MAMDC4: variants seen among roughly 807,000 people sequenced by gnomAD.
MAMDC4 encodes MAM domain containing 4.
Under a neutral mutation model 153.3 loss-of-function variants are expected in MAMDC4, and 168 were observed. The ratio of observed to expected loss-of-function variants is 1.10; its 90% confidence interval spans 0.97 to 1.25. The LOEUF is 1.25. Among genes scored for constraint, MAMDC4 ranks in the 50% most tolerant of loss-of-function variants. MAMDC4 has a pLI of 0.00. For missense variants in MAMDC4, 1,701 were observed against 1,542.8 expected, an observed-to-expected ratio of 1.10 and a Z score of -1.72; for synonymous variants, 744 against 651.5, an observed-to-expected ratio of 1.14 and a Z score of -2.16.
At position 136,853,282 on chromosome 9, in the gene MAMDC4, CAGGTT is replaced by C. The variant is rs1848953316; in HGVS notation, c.155-1_158del. Reference sequence around the variant, plus strand: ...GCACACACCTGACCACCCACTCTCCCAGGTTACCACGGGGCCTCGCCCACCCTGGG... The same window carrying C: ...GCACACACCTGACCACCCACTCTCCCACCACGGGGCCTCGCCCACCCTGGG... On this transcript the variant is annotated splice_acceptor_variant and coding_sequence_variant, in exon 3 of 27. Coordinates refer to ENST00000317446, the MANE Select transcript of MAMDC4 (RefSeq NM_206920.3). LOFTEE classifies it high-confidence loss of function. 1.2e-6 allele frequency: 2 copies of C among 1,604,402 alleles called. No homozygotes were observed. Among genetic ancestry groups the C allele is most frequent in the East Asian group, 4.5e-5 (2 of 44,650 alleles).
Position 136,858,216 on chromosome 9 carries a change from G to A in MAMDC4, c.2614G>A (p.Ala872Thr). ...VVFEAVAAGV[A>T]HSYVALDDLL... ...GTTTGAGGCAGTGGCCGCAGGCGTG[G>A]CACACTCCTACGTGGCTCTGGATGA... Residue 872 changes from alanine (A) to threonine (T), a missense_variant, in exon 21 of 27, where the codon GCA becomes ACA. Coordinates refer to ENST00000317446, the MANE Select transcript of MAMDC4 (RefSeq NM_206920.3). 2.5e-6 allele frequency: 4 copies of A among 1,598,186 alleles called. No individual in the cohort carries two copies. Among genetic ancestry groups the A allele is most frequent in the African/African-American group, 1.3e-5 (1 of 74,880 alleles).
Position 136,855,319 on chromosome 9 carries a change from C to T in MAMDC4, c.1263C>T (p.Asp421=). The change falls in exon 11 of 27, where the codon GAC becomes GAT. Residue 421 remains aspartate (D), a synonymous_variant. Transcript: ENST00000317446. ...GTCTGGACGACCTCATCCTGTCTGA[C>T]CACTGCAGACCAGTCTCGGGTGAGC... ...VVGLDDLILS[D]HCRPVSEVST... 1.9e-6 allele frequency: 3 copies of T among 1,606,716 alleles called. No homozygotes were observed. The highest frequency in any genetic ancestry group is 2.6e-6 in the Non-Finnish European group (3 of 1,176,466).
At position 136,859,214 on chromosome 9, in the gene MAMDC4, G is replaced by A. The variant is rs1384849273; in HGVS notation, c.3090G>A (p.Val1030=). ...EVASAKEFQI[V]FEATLGGQPA... is the part of the protein sequence containing the mutation. ...CTCCTTTCCTTCTCCATCAGATCGT[G>A]TTTGAAGCCACTCTGGGCGGCCAGC... The change falls in exon 25 of 27, where the codon GTG becomes GTA. Residue 1030 remains valine, a synonymous_variant. Coordinates refer to ENST00000317446, the MANE Select transcript of MAMDC4 (RefSeq NM_206920.3). 1 of 1,611,048 alleles carries A rather than the reference G, an allele frequency of 6.2e-7. No homozygotes were observed. Among genetic ancestry groups the A allele is most frequent in the African/African-American group, 1.3e-5 (1 of 74,890 alleles).
Position 136,857,755 on chromosome 9 carries a change from C to T in MAMDC4, c.2423C>T (p.Ala808Val), listed in dbSNP as rs761613773. 1.2e-6 allele frequency: 2 copies of T among 1,612,634 alleles called. No homozygotes were observed. The highest frequency in any genetic ancestry group is 8.5e-7 in the Non-Finnish European group (1 of 1,179,860). Residue 808 changes from alanine (A) to valine (V), a missense_variant, in exon 19 of 27, where the codon GCT (alanine) becomes GTT (valine). Coordinates refer to ENST00000317446, the MANE Select transcript of MAMDC4 (RefSeq NM_206920.3). ...SKEHRPLAQP[A>V]CLTFWYHGSL... Reference sequence around the variant, plus strand: ...GAGCACAGGCCCCTGGCCCAGCCTGCTTGTCTGACCTTCTGGTACCACGGG... The same window carrying T: ...GAGCACAGGCCCCTGGCCCAGCCTGTTTGTCTGACCTTCTGGTACCACGGG...
intron 7 of MAMDC4, 91 bp from the exon 8 acceptor site, chr9:136,854,448 G>A (rs1848973427): frequency 2.0e-6 from 3 of 1,519,052 alleles, no homozygotes; most frequent in Non-Finnish European, 2.7e-6. Flanking sequence ...TCCTTCTTGG[G>A]GTGTGGTTGC....
chr9:136,853,591 C>G lies in MAMDC4; in HGVS notation c.375C>G (p.Thr125=). 1 of 1,612,554 alleles carries G rather than the reference C, an allele frequency of 6.2e-7. No homozygotes were observed. Among genetic ancestry groups the G allele is most frequent in the Non-Finnish European group, 8.5e-7 (1 of 1,179,910 alleles). The change falls in exon 4 of 27, where the codon ACC becomes ACG. Residue 125 remains threonine (T), a synonymous_variant. Coordinates refer to ENST00000317446, the MANE Select transcript of MAMDC4 (RefSeq NM_206920.3). ...VGTHRGKEAS[T]AALRSPTLRE... is the part of the protein sequence containing the mutation. ...CCCACCGAGGGAAAGAGGCATCCAC[C>G]GCAGCCCTGCGCTCGCCAACCCTGC...
At chr9:136,855,644 ACCT>A (rs1848993893) in intron 12 of MAMDC4, 25 bp downstream of exon 12, 6 of 1,565,946 alleles carry the variant, frequency 3.8e-6, no homozygotes, top group Non-Finnish European at 5.2e-6. Context: ...CCTCCTGCAG[ACCT>A]CCTGCTGCGG....
At position 136,852,389 on chromosome 9, in the gene MAMDC4, T is replaced by G; in HGVS notation, c.-28T>G. 1 of 1,607,744 alleles carries G rather than the reference T, an allele frequency of 6.2e-7. No homozygotes were observed. The highest frequency in any genetic ancestry group is 1.1e-5 in the South Asian group (1 of 91,082). ...CACGGAACTTCCCAGGCACCCTGTG[T>G]GGCCGCACTGCTCCCTCTGGCCCAA... On this transcript the variant is annotated 5_prime_UTR_variant, in exon 1 of 27. Transcript: ENST00000317446.
Position 136,855,077 on chromosome 9 carries a change from C to T in MAMDC4, c.1164C>T (p.Asp388=), listed in dbSNP as rs780590085. 2.2e-5 allele frequency: 35 copies of T among 1,594,732 alleles called. No individual in the cohort carries two copies. The highest frequency in any genetic ancestry group is 2.9e-5 in the Non-Finnish European group (34 of 1,171,460). ...AGCTGGGGACCGCCTGGGTCCGAGA[C>T]CGTGTTGACATCCAGAGCGCCTACC... is the stretch of plus-strand genomic sequence containing the variant. ...RGELGTAWVR[D]RVDIQSAYPF... The change falls in exon 10 of 27, where the codon GAC becomes GAT. Residue 388 remains aspartate, a synonymous_variant. Coordinates refer to ENST00000317446, the MANE Select transcript of MAMDC4 (RefSeq NM_206920.3).
rs1849038986 is a variant in MAMDC4 at position 136,858,414 on chromosome 9, G to A, written c.2689G>A (p.Glu897Lys). 6.2e-7 allele frequency: 1 copy of A among 1,603,588 alleles called. No homozygotes were observed. Among genetic ancestry groups the A allele is most frequent in the African/African-American group, 1.3e-5 (1 of 75,052 alleles). The change falls in exon 22 of 27, where the codon GAG (glutamate) becomes AAG (lysine). Residue 897 changes from glutamate to lysine, a missense_variant. Transcript: ENST00000317446. ...ATGTCCTGCAGGTTCCTGTGATTTT[G>A]AGTCTGGCCTGTGTGGCTGGAGCCA... is the stretch of plus-strand genomic sequence containing the variant. ...PCPQPGSCDFESGLCGWSHLA... is the reference protein window; with the variant it reads ...PCPQPGSCDFKSGLCGWSHLA...
At position 136,860,677 on chromosome 9, in the gene MAMDC4, C is replaced by A; in HGVS notation, c.*74C>A. The A allele has an allele frequency of 6.5e-7, 1 of 1,540,332 alleles. No individual in the cohort carries two copies. Among genetic ancestry groups the A allele is most frequent in the South Asian group, 1.1e-5 (1 of 89,166 alleles). On this transcript the variant is annotated 3_prime_UTR_variant, in exon 27 of 27. Coordinates refer to ENST00000317446, the MANE Select transcript of MAMDC4 (RefSeq NM_206920.3). ...TCAGACCCTAGCCAGGGACCGGACACCTGCCCCGCCCAGGCTGGGACAGGC... is the reference window on the plus strand; with the variant it reads ...TCAGACCCTAGCCAGGGACCGGACAACTGCCCCGCCCAGGCTGGGACAGGC...
At chr9:136,859,670 C>T (rs566879545) in intron 25 of MAMDC4, 4 of 606,896 alleles carry the variant, frequency 6.6e-6, no homozygotes, top group African/African-American at 1.9e-5. Context: ...GAAAGAATCT[C>T]GCCTGGGGCC....
At chr9:136,853,934 G>A (rs1347807542) in intron 5 of MAMDC4, 27 bp downstream of exon 5, 2 of 1,612,770 alleles carry the variant, frequency 1.2e-6, no homozygotes, top group Non-Finnish European at 8.5e-7. Flanking sequence ...TGGACGAGTG[G>A]GGGCCTTGAG....
At position 136,855,460 on chromosome 9, in the gene MAMDC4, G is replaced by A. The variant is rs780090520; in HGVS notation, c.1312G>A (p.Gly438Arg). 42 of 1,608,160 alleles carry A rather than the reference G, an allele frequency of 2.6e-5. No homozygotes were observed. In the East Asian group the frequency reaches 9.2e-4, roughly 35 times the overall value. Reference sequence around the variant, plus strand: ...GTCCACCCTGCAGCCGCTGCCTCCTGGGCCCCGGGCCCCAGCCCCCCAGCC... The same window carrying A: ...GTCCACCCTGCAGCCGCTGCCTCCTAGGCCCCGGGCCCCAGCCCCCCAGCC... ...EVSTLQPLPP[G>R]PRAPAPQPLP... is the part of the protein sequence containing the mutation. Residue 438 changes from glycine (G) to arginine (R), a missense_variant, in exon 12 of 27, where the codon GGG becomes AGG. Gly to Arg is a moderately radical substitution (Grantham distance 125, BLOSUM62 -2). Transcript: ENST00000317446.
chr9:136,860,135 C>CGGGGGGTT, intron 26 of MAMDC4, 71 bp downstream of exon 26: 1 of 1,453,148 alleles, frequency 6.9e-7, no homozygotes. Flanking sequence ...CGGGCAGTGG[C>CGGGGGGTT]GGGACACAAC....
Position 136,855,333 on chromosome 9 carries a change from T to C in MAMDC4, c.1277T>C (p.Val426Ala). Residue 426 changes from valine (V) to alanine (A), a missense_variant, in exon 11 of 27, where the codon GTC (valine) becomes GCC (alanine). Physicochemically the swap from Val to Ala is moderately conservative, Grantham distance 64. Transcript: ENST00000317446. ...ATCCTGTCTGACCACTGCAGACCAG[T>C]CTCGGGTGAGCCTGCTGACTCTGCC... ...DLILSDHCRP[V>A]SEVSTLQPLP... 2.5e-6 allele frequency: 4 copies of C among 1,604,952 alleles called. No individual in the cohort carries two copies. In the East Asian group the frequency reaches 8.9e-5, roughly 36 times the overall value.
chr9:136,852,545 C>T (rs1442198000), intron 1 of MAMDC4, 83 bp downstream of exon 1: 2 of 1,495,338 alleles, frequency 1.3e-6, no homozygotes, highest in Non-Finnish European at 1.8e-6. Context: ...TGACGGACAC[C>T]AGGGCTGATG....
chr9:136,856,969 T>G lies in MAMDC4; in HGVS notation c.1900T>G (p.Ser634Ala). 1 of 1,612,426 alleles carries G rather than the reference T, an allele frequency of 6.2e-7. No homozygotes were observed. Among genetic ancestry groups the G allele is most frequent in the Non-Finnish European group, 8.5e-7 (1 of 1,179,766 alleles). Residue 634 changes from serine to alanine, a missense_variant, in exon 16 of 27, where the codon TCC becomes GCC. Coordinates refer to ENST00000317446, the MANE Select transcript of MAMDC4 (RefSeq NM_206920.3). Reference protein sequence around the residue: ...LAWGHSAHLLSRPQVPAAPTE... With the variant: ...LAWGHSAHLLARPQVPAAPTE... ...CTGGGGCCACAGTGCCCACCTGCTCTCCAGGCCCCAGGTGCCAGCAGCACC... is the reference window on the plus strand; with the variant it reads ...CTGGGGCCACAGTGCCCACCTGCTCGCCAGGCCCCAGGTGCCAGCAGCACC...
At chr9:136,854,172 C>T (rs750222183) in intron 6 of MAMDC4, 39 bp from the exon 7 acceptor site, 3 of 1,611,822 alleles carry the variant, frequency 1.9e-6, no homozygotes, top group Non-Finnish European at 2.5e-6. Context: ...CTCTCCCACT[C>T]CTGGGGCCTC....
Sources: allele counts gnomAD v4.1 joint callset, GRCh38; gene constraint gnomAD v4.1.1; transcripts MANE v1.5; gene names NCBI Gene and HGNC (gene_info 2026-07-23, HGNC 2026-07-21).